DNAH9: variants seen among roughly 807,000 people sequenced by gnomAD.
DNAH9 encodes DNAH9 variant protein.
DNAH9 carries 345 observed loss-of-function variants against 471.6 expected under a neutral mutation model. The ratio of observed to expected loss-of-function variants is 0.73; its 90% confidence interval spans 0.67 to 0.80. DNAH9 has a LOEUF of 0.80. DNAH9 is among the 30% of genes least tolerant of loss of function. The probability of loss-of-function intolerance (pLI) is 0.00; values close to 1 mark genes in which losing one functional copy is unlikely to be tolerated. For missense variants in DNAH9, 5,407 were observed against 5,609.2 expected, an observed-to-expected ratio of 0.96 and a Z score of 1.15; for synonymous variants, 2,093 against 2,123.6, an observed-to-expected ratio of 0.99 and a Z score of 0.40.
chr17:11,718,622 G>A (rs9904390), intron 26 of DNAH9, among the ~76,000 whole-genome samples: 4,128 of 152,276 alleles, frequency 0.027, 136 homozygotes, highest in South Asian at 0.11. Context: ...GATTGAATGT[G>A]ATCCATTCAT....
chr17:11,805,523 C>CTTTTT lies in DNAH9; in HGVS notation c.8421-2171_8421-2167dup, dbSNP rs773842478. Among the ~76,000 whole-genome samples the CTTTTT allele has an allele frequency of 1.7e-3, 90 of 52,092 alleles. 14 individuals carry two copies. Among genetic ancestry groups the CTTTTT allele is most frequent in the South Asian group, 3.3e-3 (4 of 1,202 alleles). 34.2% of individuals were successfully genotyped at this position (52,092 alleles called of 152,430 possible). A position where few individuals can be genotyped will look rare whatever the true frequency, so the allele number is the denominator to read the frequency against. ...TATTTGGCCAAACTTTACCCGAGTT[C>CTTTTT]TTTTTTTTTTTTTTTTTTTTTTTTT... is the stretch of plus-strand genomic sequence containing the variant. On this transcript the variant is annotated intron_variant, in intron 43 of 68. Transcript: ENST00000262442.
chr17:11,828,454 C>T (rs1392752509), intron 48 of DNAH9, among the ~76,000 whole-genome samples: 52 of 120,026 alleles, frequency 4.3e-4, no homozygotes, highest in Non-Finnish European at 1.2e-4. Flanking sequence ...GCCTGGGCAA[C>T]AAGAGTGAAA....
In DNAH9 at chr17:11,937,583, A is replaced by G; in HGVS notation, c.12660+61A>G. On this transcript the variant is annotated intron_variant, in intron 66 of 68. Coordinates refer to ENST00000262442, the MANE Select transcript of DNAH9 (RefSeq NM_001372.4). This position sits in a 1 kb window ranked among gnomAD's most constrained non-coding sequence, Gnocchi z 4.1. The stretch of plus-strand genomic sequence containing the variant: ...GGGACCCCGAGGATCATAGATGCAC[A>G]CCTTTCTCCTGCTGGCCATTTTGGC... The G allele has an allele frequency of 6.6e-7, 1 of 1,519,634 alleles. No individual in the cohort carries two copies. The highest frequency in any genetic ancestry group is 8.9e-7 in the Non-Finnish European group (1 of 1,129,408). 94.1% of individuals were successfully genotyped at this position (1,519,634 alleles called of 1,614,324 possible).
chr17:11,934,785 G>A (rs1184182774), intron 65 of DNAH9, among the ~76,000 whole-genome samples: 1 of 151,918 alleles, frequency 6.6e-6, no homozygotes, highest in African/African-American at 2.4e-5. Flanking sequence ...CAAAATTTCA[G>A]GCAAGACCTT....
chr17:11,944,984 G>A (rs527865636), intron 67 of DNAH9, among the ~76,000 whole-genome samples: 3 of 152,246 alleles, frequency 2.0e-5, no homozygotes, highest in Non-Finnish European at 4.4e-5. Flanking sequence ...GAGCTGGCCA[G>A]AAATGAGAAC....
intron 28 of DNAH9, among the ~76,000 whole-genome samples, chr17:11,728,384 G>A (rs956389398): frequency 7.9e-5 from 12 of 152,184 alleles, no homozygotes; most frequent in South Asian, 2.1e-4. Flanking sequence ...GAATGAAGTC[G>A]CTTCTGGGGT....
chr17:11,820,520 A>G (rs939610524), intron 45 of DNAH9, among the ~76,000 whole-genome samples: 3 of 152,162 alleles, frequency 2.0e-5, no homozygotes, highest in Non-Finnish European at 4.4e-5. Flanking sequence ...CATAGTTTTG[A>G]TATACATTTC....
intron 39 of DNAH9, 50 bp from the exon 40 acceptor site, chr17:11,783,596 C>T (rs1442942519): frequency 1.4e-6 from 2 of 1,467,834 alleles, no homozygotes; most frequent in African/African-American, 1.4e-5. Context: ...AAAGCACTCA[C>T]CTGCCTCAGT....
rs371961589 is a variant in DNAH9 at position 11,654,249 on chromosome 17, G to A, written c.2595+1247G>A. On this transcript the variant is annotated intron_variant, in intron 14 of 68. Coordinates refer to ENST00000262442, the MANE Select transcript of DNAH9 (RefSeq NM_001372.4). ...CGGGCGCCTGTAGTCCCAGCTACTCGGGAGGCTGAGGCAGGAGAATGGCGT... is the reference window on the plus strand; with the variant it reads ...CGGGCGCCTGTAGTCCCAGCTACTCAGGAGGCTGAGGCAGGAGAATGGCGT... Among the ~76,000 whole-genome samples the A allele has an allele frequency of 8.0e-3, 767 of 95,798 alleles. 173 individuals carry two copies. The South Asian group carries it at 0.17, about 21-fold the overall frequency. 62.8% of individuals were successfully genotyped at this position (95,798 alleles called of 152,430 possible). A position where few individuals can be genotyped will look rare whatever the true frequency, so the allele number is the denominator to read the frequency against.
Position 11,854,112 on chromosome 17 carries a change from G to A in DNAH9, c.9617G>A (p.Arg3206Gln), listed in dbSNP as rs758199662. The change falls in exon 50 of 69, where the codon CGG (arginine) becomes CAG (glutamine). Residue 3206 changes from arginine to glutamine, a missense_variant. Coordinates refer to ENST00000262442, the MANE Select transcript of DNAH9 (RefSeq NM_001372.4). ...MAPRGRVPKD[R>Q]SWKAAKVTMA... The stretch of plus-strand genomic sequence containing the variant: ...CCCAGGGGTAGGGTGCCCAAGGACC[G>A]GAGCTGGAAGGCTGCTAAGGTCACC... 12 of 1,614,064 alleles carry A rather than the reference G, an allele frequency of 7.4e-6. No individual in the cohort carries two copies. The highest frequency in any genetic ancestry group is 3.3e-5 in the Admixed American group (2 of 59,998).
Position 11,880,097 on chromosome 17 carries a change from C to G in DNAH9, c.10498C>G (p.Gln3500Glu). 1.2e-6 allele frequency: 2 copies of G among 1,613,992 alleles called. No individual in the cohort carries two copies. The highest frequency in any genetic ancestry group is 1.7e-6 in the Non-Finnish European group (2 of 1,179,902). ...CCCTAGCTACCTTCAAATCATAGAG[C>G]AGGCCCTGGAAGCTGGAGCTGTGGT... is the stretch of plus-strand genomic sequence containing the variant. ...GQKGYLQIIE[Q>E]ALEAGAVVLI... Residue 3500 changes from glutamine (Q) to glutamate (E), a missense_variant, in exon 54 of 69, where the codon CAG (glutamine) becomes GAG (glutamate). Transcript: ENST00000262442.
Position 11,738,999 on chromosome 17 carries a change from C to T in DNAH9, c.5934C>T (p.Gly1978=), listed in dbSNP as rs894187207. Residue 1978 remains glycine, a synonymous_variant, in exon 29 of 69, where the codon GGC becomes GGT. Transcript: ENST00000262442. ...TCACCATGAACCCAGGCTATGCTGG[C>T]CGCACAGAGCTGCCAGAGAATCTCA... ...IFITMNPGYA[G]RTELPENLKS... 1 of 1,614,040 alleles carries T rather than the reference C, an allele frequency of 6.2e-7. No homozygotes were observed. Among genetic ancestry groups the T allele is most frequent in the Admixed American group, 1.7e-5 (1 of 60,024 alleles).
At chr17:11,931,508 C>G (rs879944212) in intron 63 of DNAH9, among the ~76,000 whole-genome samples, 1 of 152,194 alleles carries the variant, frequency 6.6e-6, no homozygotes, top group African/African-American at 2.4e-5. Context: ...AGCAGCCCAA[C>G]TCTGGGCGGG....
intron 45 of DNAH9, among the ~76,000 whole-genome samples, chr17:11,814,885 C>T (rs766889326): frequency 4.6e-5 from 7 of 152,012 alleles, no homozygotes; most frequent in African/African-American, 1.5e-4. Flanking sequence ...CTCTGGTGGC[C>T]GTCTGGAACT....
chr17:11,662,039 A>G (rs541248888), intron 14 of DNAH9, among the ~76,000 whole-genome samples: 3 of 152,226 alleles, frequency 2.0e-5, no homozygotes, highest in Non-Finnish European at 4.4e-5. Context: ...TTATCTAAAA[A>G]TGTCCTTATT....
chr17:11,968,887 T>A (rs1000372148), intron 68 of DNAH9, among the ~76,000 whole-genome samples: 2 of 152,088 alleles, frequency 1.3e-5, no homozygotes, highest in Non-Finnish European at 2.9e-5. Context: ...AAACAGGACA[T>A]AACAAAAGCT....
chr17:11,635,372 G>A (rs993052521), intron 8 of DNAH9, among the ~76,000 whole-genome samples: 1 of 146,878 alleles, frequency 6.8e-6, no homozygotes, highest in Admixed American at 6.8e-5. Context: ...AGTAGAGACG[G>A]GTTTTGCCAT....
At chr17:11,693,423 T>A (rs1373729469) in intron 20 of DNAH9, among the ~76,000 whole-genome samples, 1 of 150,868 alleles carries the variant, frequency 6.6e-6, no homozygotes, top group Non-Finnish European at 1.5e-5. Flanking sequence ...CCAGCCCAGC[T>A]AATTTTTCTA....
chr17:11,644,558 T>C (rs1303053970), intron 10 of DNAH9, 73 bp from the exon 11 acceptor site: 1 of 1,091,740 alleles, frequency 9.2e-7, no homozygotes, highest in African/African-American at 1.6e-5. Context: ...CTTTGGAGAC[T>C]GCAGTTTGTT....
Sources: gnomAD v4.1 joint callset for allele counts (sites outside exome capture counted in the v4.1 genomes callset) on GRCh38, gnomAD v4.1.1 for gene constraint, Gnocchi (gnomAD v3.1) non-coding constraint, MANE v1.5 for transcripts, NCBI Gene and HGNC (gene_info 2026-07-23, HGNC 2026-07-21) for gene names.